Variants in RMDN2 observed in about 807,000 individuals in gnomAD.
The protein encoded by RMDN2 is regulator of microtubule dynamics protein 2.
A neutral mutation model predicts 52.8 loss-of-function variants in RMDN2; 61 were observed. The ratio of observed to expected loss-of-function variants is 1.16; its 90% CI spans 0.94 to 1.43. The LOEUF is 1.43. Ranked by LOEUF, RMDN2 falls within the 40% of genes most tolerant of loss-of-function variation. RMDN2 has a pLI of 0.00. For missense variants in RMDN2, 592 were observed against 475.3 expected, an observed-to-expected ratio of 1.25 and a Z score of -2.28; for synonymous variants, 180 against 153.1, an observed-to-expected ratio of 1.18 and a Z score of -1.30.
At chr2:37,954,138 A>G (rs779534652) in intron 2 of RMDN2, among the ~76,000 whole-genome samples, 6 of 152,000 alleles carry the variant, frequency 3.9e-5, no homozygotes, top group African/African-American at 1.2e-4. Context: ...TTTTCTCCCA[A>G]TGTGTGGGTT....
At chr2:38,045,936 C>A (rs937422864) in intron 10 of RMDN2, among the ~76,000 whole-genome samples, 1 of 152,150 alleles carries the variant, frequency 6.6e-6, no homozygotes, top group East Asian at 1.9e-4. Context: ...TGCAACTAGC[C>A]CGAGGTTGTG....
intron 10 of RMDN2, chr2:38,066,859 G>T: frequency 1.3e-6 from 1 of 772,608 alleles, no homozygotes. Context: ...TGGAAAACTA[G>T]TGAGTATTCT....
At chr2:37,977,367 A>AC (rs1390644830) in intron 4 of RMDN2, among the ~76,000 whole-genome samples, 1 of 152,056 alleles carries the variant, frequency 6.6e-6, no homozygotes, top group Admixed American at 6.5e-5. Context: ...CACCTCCCAG[A>AC]CGGGGTGGTG....
intron 2 of RMDN2, among the ~76,000 whole-genome samples, chr2:37,972,283 T>G (rs776128543): frequency 2.0e-5 from 3 of 152,078 alleles, no homozygotes; most frequent in African/African-American, 4.8e-5. Flanking sequence ...TCTGCAATAA[T>G]AAGAAGATTA....
intron 10 of RMDN2, among the ~76,000 whole-genome samples, chr2:38,009,118 C>T (rs1252502137): frequency 6.6e-6 from 1 of 152,210 alleles, no homozygotes; most frequent in Non-Finnish European, 1.5e-5. Flanking sequence ...CCCGTCCTTT[C>T]TCTCTGGCTG....
At chr2:37,945,682 T>A (rs1668162669) in intron 2 of RMDN2, among the ~76,000 whole-genome samples, 1 of 152,182 alleles carries the variant, frequency 6.6e-6, no homozygotes, top group South Asian at 2.1e-4. Flanking sequence ...CATCAATAAT[T>A]TTTTCCAGAT....
chr2:37,975,398 TC>T (rs1227279891), intron 4 of RMDN2, 84 bp downstream of exon 4: 1 of 780,314 alleles, frequency 1.3e-6, no homozygotes, highest in Non-Finnish European at 2.2e-6. Flanking sequence ...TGAGTTCATG[TC>T]CTTTGCAGGG....
intron 2 of RMDN2, among the ~76,000 whole-genome samples, chr2:37,934,059 A>G (rs1479198178): frequency 6.6e-6 from 1 of 152,182 alleles, no homozygotes; most frequent in Non-Finnish European, 1.5e-5. Context: ...GATAGCAAAA[A>G]TTAAAATATT....
At chr2:38,005,878 T>C (rs1677007427) in intron 10 of RMDN2, among the ~76,000 whole-genome samples, 1 of 152,214 alleles carries the variant, frequency 6.6e-6, no homozygotes, top group Admixed American at 6.5e-5. Flanking sequence ...TTAATTTTTG[T>C]ATAAGGTGTA....
chr2:38,059,625 T>C (rs1681963347), intron 10 of RMDN2, among the ~76,000 whole-genome samples: 1 of 152,094 alleles, frequency 6.6e-6, no homozygotes, highest in African/African-American at 2.4e-5. Context: ...TCGAGGGAGC[T>C]TGTGGGGGCA....
chr2:37,951,124 A>G (rs757209915), intron 2 of RMDN2: 123 of 1,053,226 alleles, frequency 1.2e-4, no homozygotes, highest in Non-Finnish European at 1.5e-4. Flanking sequence ...TATGGAAACA[A>G]TACCAATTGG....
chr2:37,964,736 C>G (rs1166090442), intron 2 of RMDN2, among the ~76,000 whole-genome samples: 1 of 152,088 alleles, frequency 6.6e-6, no homozygotes, highest in East Asian at 1.9e-4. Context: ...TCCTCTATTT[C>G]CTTACTAATC....
At position 38,006,963 on chromosome 2, in the gene RMDN2, C is replaced by T. The variant is rs146504529; in HGVS notation, c.1179+2747C>T. 7.0e-3 allele frequency among the ~76,000 whole-genome samples: 1,069 copies of T among 152,222 alleles called. 11 individuals are homozygous for T. The highest frequency in any genetic ancestry group is 0.02 in the African/African-American group (823 of 41,516). ...CCTTTTCTGCATCTATTGAGATAAT[C>T]ATATGTTTTTTGTCCTTGGTTCTGT... is the stretch of plus-strand genomic sequence containing the variant. On this transcript the variant is annotated intron_variant, in intron 10 of 10. Coordinates refer to ENST00000354545, the MANE Select transcript of RMDN2 (RefSeq NM_001170791.3).
At chr2:37,982,828 AAC>A (rs981043370) in intron 5 of RMDN2, among the ~76,000 whole-genome samples, 1 of 152,206 alleles carries the variant, frequency 6.6e-6, no homozygotes, top group Non-Finnish European at 1.5e-5. Flanking sequence ...TTTACATAAT[AAC>A]ACTAGTAAAT....
chr2:38,023,783 T>C (rs1284118461), intron 10 of RMDN2, among the ~76,000 whole-genome samples: 3 of 152,196 alleles, frequency 2.0e-5, no homozygotes, highest in African/African-American at 7.2e-5. Flanking sequence ...TAAAAAATAT[T>C]GAGATACAAT....
rs967137938 is a variant in RMDN2, at chr2:37,963,764, A to C, written c.453-10276A>C. 3.3e-4 allele frequency among the ~76,000 whole-genome samples: 50 copies of C among 152,062 alleles called. 1 individual carries two copies. The highest frequency in any genetic ancestry group is 1.1e-3 in the African/African-American group (44 of 41,478). ...TCTGATTTCTCTATCTTTTCCCCACATTTCCCCCCTTTCTATTCCACAAAA... is the reference window on the plus strand; with the variant it reads ...TCTGATTTCTCTATCTTTTCCCCACCTTTCCCCCCTTTCTATTCCACAAAA... On this transcript the variant is annotated intron_variant, in intron 2 of 10. Coordinates refer to ENST00000354545, the MANE Select transcript of RMDN2 (RefSeq NM_001170791.3).
chr2:37,921,660 A>C (rs1375297288), upstream of RMDN2, among the ~76,000 whole-genome samples: 1 of 152,206 alleles, frequency 6.6e-6, no homozygotes, highest in East Asian at 1.9e-4. Flanking sequence ...GGTGCTATGA[A>C]GAGTCCCTTC....
chr2:38,019,268 G>C (rs901470812), downstream of RMDN2, among the ~76,000 whole-genome samples: 1 of 152,138 alleles, frequency 6.6e-6, no homozygotes, highest in Non-Finnish European at 1.5e-5. Flanking sequence ...CTTCCTTTAC[G>C]AATTATGAGG....
chr2:37,932,760 C>G (rs1378065758), intron 2 of RMDN2, among the ~76,000 whole-genome samples: 1 of 132,478 alleles, frequency 7.5e-6, no homozygotes, highest in African/African-American at 2.8e-5. Flanking sequence ...CCAGTAGGGG[C>G]GGCCGGGCAG....
Sources: gnomAD v4.1 joint callset for allele counts (sites outside exome capture counted in the v4.1 genomes callset) on GRCh38, gnomAD v4.1.1 for gene constraint, MANE v1.5 for transcripts, NCBI Gene and HGNC (gene_info 2026-07-23, HGNC 2026-07-21) for gene names.